CNDP1: variants seen among roughly 807,000 people sequenced by gnomAD.
The protein encoded by CNDP1 is carnosine dipeptidase 1.
Under a neutral mutation model 58.1 loss-of-function variants are expected in CNDP1, and 44 were observed. The ratio of observed to expected loss-of-function variants is 0.76; its 90% CI spans 0.60 to 0.97. The LOEUF is 0.97. Among genes scored for constraint, CNDP1 ranks in the 50% least tolerant of loss-of-function variants. The pLI, the probability that CNDP1 is intolerant of heterozygous loss-of-function variation, is 0.00. For missense variants in CNDP1, 616 were observed against 655.1 expected, an observed-to-expected ratio of 0.94 and a Z score of 0.65; for synonymous variants, 254 against 252.6, an observed-to-expected ratio of 1.01 and a Z score of -0.05.
rs576567678 is a variant in CNDP1 at position 74,535,386 on chromosome 18, A to G, written c.24+695A>G. ...GATACGTAGAAGACTCTCAAAAGAC[A>G]TACTGAAACAAATACATGCAAATGC... is the stretch of plus-strand genomic sequence containing the variant. On this transcript the variant is annotated intron_variant, in intron 1 of 11. Transcript: ENST00000358821. Among the ~76,000 whole-genome samples the G allele has an allele frequency of 1.6e-4, 24 of 152,376 alleles. No homozygotes were observed. The South Asian group carries it at 4.1e-3, about 26-fold the overall frequency.
intron 9 of CNDP1, among the ~76,000 whole-genome samples, chr18:74,579,194 C>CCTTGA (rs1981718602): frequency 1.9e-5 from 1 of 53,510 alleles, no homozygotes; most frequent in Non-Finnish European, 4.6e-5. Flanking sequence ...CCTTTCCTTC[C>CCTTGA]CTTCCCTTGC....
At position 74,576,942 on chromosome 18, in the gene CNDP1, G is replaced by A; in HGVS notation, c.915G>A (p.Glu305=). 1 of 1,613,568 alleles carries A rather than the reference G, an allele frequency of 6.2e-7. No homozygotes were observed. Among genetic ancestry groups the A allele is most frequent in the Non-Finnish European group, 8.5e-7 (1 of 1,179,772 alleles). Residue 305 remains glutamate (E), a synonymous_variant, in exon 8 of 12, where the codon GAG becomes GAA. Coordinates refer to ENST00000358821, the MANE Select transcript of CNDP1 (RefSeq NM_032649.6). ...ATGAAGTGGTTCCTCTTACAGAAGA[G>A]GAAATAAATACATACAAAGCCATCC... ...IYDEVVPLTE[E]EINTYKAIHL...
Position 74,535,700 on chromosome 18 carries a change from C to G in CNDP1, c.24+1009C>G, listed in dbSNP as rs193018596. On this transcript the variant is annotated intron_variant, in intron 1 of 11. Transcript: ENST00000358821. The stretch of plus-strand genomic sequence containing the variant: ...TCTTTAAACTGTGTCATGATAGTAT[C>G]TATTCAAAACATTAAAGTTAAAAGC... Among the ~76,000 whole-genome samples the G allele has an allele frequency of 5.2e-3, 783 of 150,450 alleles. 3 individuals are homozygous for G. The highest frequency in any genetic ancestry group is 0.017 in the African/African-American group (719 of 41,098).
intron 7 of CNDP1, among the ~76,000 whole-genome samples, chr18:74,573,629 A>G (rs1180096770): frequency 1.3e-5 from 2 of 152,200 alleles, no homozygotes; most frequent in African/African-American, 2.4e-5. Context: ...GCAACTCACA[A>G]TTTTGGGGAG....
At chr18:74,569,095 A>G (rs1399630347) in intron 6 of CNDP1, among the ~76,000 whole-genome samples, 3 of 152,200 alleles carry the variant, frequency 2.0e-5, no homozygotes, top group African/African-American at 7.2e-5. Flanking sequence ...TGGTACAGCA[A>G]CGTTACAAGA....
chr18:74,561,278 T>C, intron 4 of CNDP1: 1 of 341,700 alleles, frequency 2.9e-6, no homozygotes, highest in East Asian at 5.1e-5. Context: ...TAGCTGGGCA[T>C]GGTCGTGGGC....
chr18:74,554,845 G>T (rs77290550), intron 1 of CNDP1, among the ~76,000 whole-genome samples: 6,090 of 152,312 alleles, frequency 0.04, 256 homozygotes, highest in African/African-American at 0.1. Context: ...GCTTTGTGGA[G>T]GGTGGATTAG....
intron 1 of CNDP1, among the ~76,000 whole-genome samples, chr18:74,548,371 T>A (rs1200440793): frequency 6.6e-6 from 1 of 152,156 alleles, no homozygotes; most frequent in African/African-American, 2.4e-5. Context: ...CTGCTCTTGC[T>A]CACATTCTTG....
chr18:74,546,059 C>T (rs1264496626), intron 1 of CNDP1, among the ~76,000 whole-genome samples: 3 of 152,170 alleles, frequency 2.0e-5, no homozygotes, highest in East Asian at 1.9e-4. Flanking sequence ...TTAACTGTCA[C>T]GAGATTCTGG....
At chr18:74,551,055 C>T (rs991884786) in intron 1 of CNDP1, among the ~76,000 whole-genome samples, 2 of 152,094 alleles carry the variant, frequency 1.3e-5, no homozygotes, top group African/African-American at 4.8e-5. Context: ...AGGTGCTGTC[C>T]TTGCAATAGT....
At chr18:74,570,565 C>T (rs1981453700) in intron 6 of CNDP1, among the ~76,000 whole-genome samples, 1 of 152,176 alleles carries the variant, frequency 6.6e-6, no homozygotes, top group Admixed American at 6.5e-5. Flanking sequence ...TCAGGCAGAA[C>T]ATCTAGTCCC....
At position 74,550,043 on chromosome 18, in the gene CNDP1, G is replaced by A. The variant is rs773831677; in HGVS notation, c.25-6295G>A. On this transcript the variant is annotated intron_variant, in intron 1 of 11. Transcript: ENST00000358821. ...GAAAGAACCTAGAGGTGGAGGGGTGGAGCCCTCACAGAGAGCCTCTACTAG... is the reference window on the plus strand; with the variant it reads ...GAAAGAACCTAGAGGTGGAGGGGTGAAGCCCTCACAGAGAGCCTCTACTAG... 2.6e-5 allele frequency among the ~76,000 whole-genome samples: 4 copies of A among 152,206 alleles called. No homozygotes were observed. The South Asian group carries it at 8.3e-4, about 32-fold the overall frequency.
intron 5 of CNDP1, among the ~76,000 whole-genome samples, chr18:74,563,973 T>G (rs1981265579): frequency 6.6e-6 from 1 of 152,226 alleles, no homozygotes; most frequent in South Asian, 2.1e-4. Context: ...GATATTAAGA[T>G]TTCAGAACTT....
intron 9 of CNDP1, among the ~76,000 whole-genome samples, chr18:74,579,203 G>GCCTTGCCTTCCCTTCCCTTC (rs1468088543): frequency 8.0e-6 from 1 of 125,518 alleles, no homozygotes; most frequent in Non-Finnish European, 1.6e-5. Flanking sequence ...CCCTTCCCTT[G>GCCTTGCCTTCCCTTCCCTTC]CCTTCCCTTC....
intron 9 of CNDP1, among the ~76,000 whole-genome samples, chr18:74,579,124 T>A (rs1241251689): frequency 6.8e-6 from 1 of 147,664 alleles, no homozygotes; most frequent in Non-Finnish European, 1.5e-5. Context: ...CCCTCCTTCC[T>A]TCCTTCCTTC....
chr18:74,553,544 C>T (rs1234525939), intron 1 of CNDP1, among the ~76,000 whole-genome samples: 2 of 152,090 alleles, frequency 1.3e-5, no homozygotes, highest in Admixed American at 1.3e-4. Flanking sequence ...GATCTCCGCA[C>T]CCTCGATGAA....
chr18:74,570,296 G>T (rs1254152478), intron 6 of CNDP1, among the ~76,000 whole-genome samples: 1 of 151,884 alleles, frequency 6.6e-6, no homozygotes, highest in Non-Finnish European at 1.5e-5. Context: ...CCAGTCCAGG[G>T]AGAGTGACGT....
chr18:74,544,238 G>A (rs946674404), intron 1 of CNDP1, among the ~76,000 whole-genome samples: 1 of 152,090 alleles, frequency 6.6e-6, no homozygotes, highest in Non-Finnish European at 1.5e-5. Flanking sequence ...GGCAACAGAG[G>A]GAGACTCTGT....
At chr18:74,582,289 A>G (rs920251587) in intron 10 of CNDP1, among the ~76,000 whole-genome samples, 3 of 152,240 alleles carry the variant, frequency 2.0e-5, no homozygotes, top group African/African-American at 7.2e-5. Context: ...TTGTGAATAA[A>G]GAAGAGGTGG....
Sources: allele counts gnomAD v4.1 joint callset (sites outside exome capture counted in the v4.1 genomes callset), GRCh38; gene constraint gnomAD v4.1.1; transcripts MANE v1.5; gene names NCBI Gene and HGNC (gene_info 2026-07-23, HGNC 2026-07-21).